The following CHSY3 variants were observed in gnomAD, a reference collection of about 807,000 sequenced individuals.
CHSY3 encodes the protein chondroitin sulfate synthase 3.
A neutral mutation model predicts 67.2 loss-of-function variants in CHSY3; 35 were observed. That is an observed-to-expected ratio of 0.52 (90% CI 0.40 to 0.69). The LOEUF (loss-of-function observed/expected upper bound fraction) is 0.69, where lower values mean the gene tolerates loss of function less well. Among genes scored for constraint, CHSY3 ranks in the 30% least tolerant of loss-of-function variants. The pLI is 0.00. For missense variants in CHSY3, 1,069 were observed against 1,138.5 expected (o/e 0.94, Z 0.88); for synonymous variants, 474 against 434.7 (o/e 1.09, Z -1.12).
In CHSY3 at chr5:130,052,857, G is replaced by T. The variant is rs144655667; in HGVS notation, c.1087-131372G>T. 3.3e-4 allele frequency among the ~76,000 whole-genome samples: 50 copies of T among 152,124 alleles called. No homozygotes were observed. The East Asian group carries it at 7.7e-3, about 24-fold the overall frequency. On this transcript the variant is annotated intron_variant, in intron 2 of 2. Coordinates refer to ENST00000305031, the MANE Select transcript of CHSY3 (RefSeq NM_175856.5). ...CAATGCTACATAAGACAGAAAAATG[G>T]ACTCAGTAACTTTAAGTACTGGAAT...
intron 2 of CHSY3, among the ~76,000 whole-genome samples, chr5:130,011,399 A>G (rs1449130608): frequency 6.6e-6 from 1 of 152,246 alleles, no homozygotes; most frequent in East Asian, 1.9e-4. Context: ...TAGATGCTGA[A>G]AAGTCTTTCA....
intron 1 of CHSY3, 122 bp from the exon 2 acceptor site, chr5:129,907,955 C>T (rs902511746): frequency 1.4e-6 from 2 of 1,440,922 alleles, no homozygotes; most frequent in African/African-American, 1.4e-5. Flanking sequence ...GCTTTTTCTT[C>T]TTTTCAGTTG....
At chr5:130,174,186 CAG>C (rs1769976015) in intron 2 of CHSY3, among the ~76,000 whole-genome samples, 1 of 151,862 alleles carries the variant, frequency 6.6e-6, no homozygotes, top group Admixed American at 6.6e-5. Flanking sequence ...TTCTAATTTG[CAG>C]AGTCTTCACT....
chr5:129,933,619 A>G (rs1490223594), intron 2 of CHSY3, among the ~76,000 whole-genome samples: 2 of 152,192 alleles, frequency 1.3e-5, no homozygotes, highest in Non-Finnish European at 2.9e-5. Context: ...AGGTACCACT[A>G]AAAGTCATTG....
At chr5:130,019,824 T>A (rs1268876318) in intron 2 of CHSY3, among the ~76,000 whole-genome samples, 1 of 152,220 alleles carries the variant, frequency 6.6e-6, no homozygotes, top group African/African-American at 2.4e-5. Context: ...CCCTTTTACT[T>A]TTCACAAAAC....
chr5:130,030,808 T>C (rs1764683458), intron 2 of CHSY3, among the ~76,000 whole-genome samples: 1 of 152,034 alleles, frequency 6.6e-6, no homozygotes, highest in Non-Finnish European at 1.5e-5. Flanking sequence ...TCTTAGAGTG[T>C]TTATGAACCT....
chr5:129,913,007 G>T (rs1035842687), intron 2 of CHSY3, among the ~76,000 whole-genome samples: 1 of 152,114 alleles, frequency 6.6e-6, no homozygotes, highest in Non-Finnish European at 1.5e-5. Flanking sequence ...GAATTTATTG[G>T]CCTCTCCTGT....
At chr5:130,133,342 T>C (rs1580767228) in intron 2 of CHSY3, among the ~76,000 whole-genome samples, 1 of 152,290 alleles carries the variant, frequency 6.6e-6, no homozygotes, top group East Asian at 1.9e-4. Context: ...GCATAGATAC[T>C]CATGACTACC....
intron 2 of CHSY3, chr5:130,001,836 A>G: frequency 1.2e-6 from 1 of 864,946 alleles, no homozygotes; most frequent in Non-Finnish European, 1.4e-6. Flanking sequence ...CCTGTAACTG[A>G]CATTCAGAAA....
chr5:129,945,194 T>C (rs1165285449), intron 2 of CHSY3, among the ~76,000 whole-genome samples: 4 of 152,234 alleles, frequency 2.6e-5, no homozygotes, highest in Non-Finnish European at 5.9e-5. Flanking sequence ...GCTTTTGTAA[T>C]CTACTGCCCT....
chr5:130,121,537 G>T (rs13170334), intron 2 of CHSY3, among the ~76,000 whole-genome samples: 50,367 of 151,964 alleles, frequency 0.33, 8,837 homozygotes, highest in Admixed American at 0.43. Context: ...AATAAAGCAT[G>T]ACCTCCACAG....
intron 2 of CHSY3, among the ~76,000 whole-genome samples, chr5:130,143,812 ATAT>A (rs1768983610): frequency 3.0e-5 from 2 of 66,650 alleles, no homozygotes; most frequent in South Asian, 9.9e-4. Flanking sequence ...ATATGTGTGT[ATAT>A]ATATATATAT....
intron 2 of CHSY3, among the ~76,000 whole-genome samples, chr5:130,108,862 G>T (rs1234006405): frequency 4.0e-5 from 6 of 151,606 alleles, no homozygotes; most frequent in Non-Finnish European, 8.9e-5. Flanking sequence ...CAAGCACCCA[G>T]AATAGTCCTT....
intron 2 of CHSY3, among the ~76,000 whole-genome samples, chr5:130,125,113 A>G (rs1561548129): frequency 6.6e-6 from 1 of 152,278 alleles, no homozygotes; most frequent in East Asian, 1.9e-4. Flanking sequence ...AGGAAGACAG[A>G]AAATGCAAGT....
At chr5:130,003,642 T>TA (rs977966364) in intron 2 of CHSY3, among the ~76,000 whole-genome samples, 8 of 151,914 alleles carry the variant, frequency 5.3e-5, no homozygotes, top group Admixed American at 6.6e-5. Flanking sequence ...TTTACTTAAT[T>TA]AAAAAAAATA....
Position 130,185,779 on chromosome 5 carries a change from A to G in CHSY3, c.2637A>G (p.Arg879=). 1 of 1,596,832 alleles carries G rather than the reference A, an allele frequency of 6.3e-7. No individual in the cohort carries two copies. The highest frequency in any genetic ancestry group is 2.2e-5 in the East Asian group (1 of 44,610). The change falls in exon 3 of 3, where the codon CGA becomes CGG. Residue 879 remains arginine, a synonymous_variant. Coordinates refer to ENST00000305031, the MANE Select transcript of CHSY3 (RefSeq NM_175856.5). ...AACATTTAGGTGTCAGGTACAATCG[A>G]ACTCTCTCCTGACAGTCCAGGCAAC... is the stretch of plus-strand genomic sequence containing the variant. ...LEKHLGVRYN[R]TLS
chr5:130,108,615 G>T (rs73244849), intron 2 of CHSY3, among the ~76,000 whole-genome samples: 1 of 151,372 alleles, frequency 6.6e-6, no homozygotes, highest in African/African-American at 2.4e-5. Context: ...CCATATATGC[G>T]GTTATGATTA....
intron 2 of CHSY3, among the ~76,000 whole-genome samples, chr5:130,099,948 G>T (rs115092082): frequency 0.013 from 1,942 of 152,096 alleles, 52 homozygotes; most frequent in African/African-American, 0.045. Flanking sequence ...TCACCTCTGA[G>T]TCCCTGGGTA....
chr5:129,977,650 G>A lies in CHSY3; in HGVS notation c.1086+69290G>A, dbSNP rs539115764. 4.6e-5 allele frequency among the ~76,000 whole-genome samples: 7 copies of A among 152,118 alleles called. No individual in the cohort carries two copies. In the South Asian group the frequency reaches 1.2e-3, roughly 27 times the overall value. ...CATTTCAGTGGTAATTATTTCCCTTGAGTAAATTAAATAGTCTTTTATTTA... is the reference window on the plus strand; with the variant it reads ...CATTTCAGTGGTAATTATTTCCCTTAAGTAAATTAAATAGTCTTTTATTTA... On this transcript the variant is annotated intron_variant, in intron 2 of 2. Coordinates refer to ENST00000305031, the MANE Select transcript of CHSY3 (RefSeq NM_175856.5).
Sources: gnomAD v4.1 joint callset for allele counts (sites outside exome capture counted in the v4.1 genomes callset) on GRCh38, gnomAD v4.1.1 for gene constraint, MANE v1.5 for transcripts, NCBI Gene and HGNC (gene_info 2026-07-23, HGNC 2026-07-21) for gene names.